GALK2: variants seen among roughly 807,000 people sequenced by gnomAD.
The protein encoded by GALK2 is N-acetylgalactosamine kinase.
A neutral mutation model predicts 52.4 loss-of-function variants in GALK2; 36 were observed. That is an observed-to-expected ratio of 0.69 (90% CI 0.53 to 0.91). GALK2 has a LOEUF of 0.91. Among genes scored for constraint, GALK2 ranks in the 40% least tolerant of loss-of-function variants. The pLI, the probability that GALK2 is intolerant of heterozygous loss-of-function variation, is 0.00. For missense variants in GALK2, 579 were observed against 559.1 expected, an observed-to-expected ratio of 1.04 and a Z score of -0.36; for synonymous variants, 176 against 199.1, an observed-to-expected ratio of 0.88 and a Z score of 0.98.
intron 8 of GALK2, among the ~76,000 whole-genome samples, chr15:49,300,475 A>G (rs951875767): frequency 2.6e-5 from 4 of 152,028 alleles, no homozygotes; most frequent in Admixed American, 1.3e-4. Context: ...TGATCTTGTC[A>G]TTGCTTTGTT....
intron 1 of GALK2, among the ~76,000 whole-genome samples, chr15:49,196,633 A>G (rs2087256766): frequency 6.6e-6 from 1 of 152,192 alleles, no homozygotes; most frequent in Non-Finnish European, 1.5e-5. Context: ...AATTTACTTT[A>G]TCAAGTTTAT....
intron 3 of GALK2, among the ~76,000 whole-genome samples, chr15:49,347,270 T>C (rs771960404): frequency 1.3e-5 from 2 of 152,106 alleles, no homozygotes; most frequent in Non-Finnish European, 2.9e-5. Context: ...GTTTTGCCCT[T>C]AAGAAATTAG....
chr15:49,299,735 T>TTTCTTTCTTTCTTTCTTTCCTTTC lies in GALK2; in HGVS notation c.967+7200_967+7201insCTTTCTTTCTTTCTTTCCTTTCTT, dbSNP rs1347140534. Among the ~76,000 whole-genome samples, 109 of 77,570 alleles carry TTTCTTTCTTTCTTTCTTTCCTTTC rather than the reference T, an allele frequency of 1.4e-3. 5 individuals are homozygous for TTTCTTTCTTTCTTTCTTTCCTTTC. The highest frequency in any genetic ancestry group is 5.9e-3 in the African/African-American group (107 of 18,052). The allele number at this position is 77,570 out of a possible 152,430, so 50.9% of individuals were successfully genotyped here. On this transcript the variant is annotated intron_variant, in intron 8 of 9. Coordinates refer to ENST00000560031, the MANE Select transcript of GALK2 (RefSeq NM_002044.4). ...CTTTCTTTCTTTCTTTCTTTCTTTC[T>TTTCTTTCTTTCTTTCTTTCCTTTC]TTTCTTTCTTTCTTTCTTTCTTTCT...
intron 5 of GALK2, among the ~76,000 whole-genome samples, chr15:49,258,844 GA>G (rs2091946638): frequency 6.6e-6 from 1 of 150,986 alleles, no homozygotes; most frequent in Non-Finnish European, 1.5e-5. Context: ...GAGAGAGAGA[GA>G]GAGAGAGAGA....
At chr15:49,351,200 A>T (rs747352471) in intron 3 of GALK2, among the ~76,000 whole-genome samples, 27 of 152,232 alleles carry the variant, frequency 1.8e-4, no homozygotes, top group Non-Finnish European at 3.1e-4. Context: ...GTGTGTGATT[A>T]TACACTGTGC....
At chr15:49,266,848 GA>G (rs1214797774) in intron 5 of GALK2, among the ~76,000 whole-genome samples, 1 of 152,144 alleles carries the variant, frequency 6.6e-6, no homozygotes, top group Non-Finnish European at 1.5e-5. Context: ...TAAGAAGGAG[GA>G]AAAAGAGTTC....
At chr15:49,322,985 A>G (rs2037026799) in intron 9 of GALK2, among the ~76,000 whole-genome samples, 1 of 151,724 alleles carries the variant, frequency 6.6e-6, no homozygotes, top group Non-Finnish European at 1.5e-5. Context: ...AAGAAAAAAA[A>G]AAAAAGATGT....
chr15:49,301,484 GA>G lies in GALK2; in HGVS notation c.967+8951del, dbSNP rs112502757. ...TGTTTCCCATGGTGTGACCCAAGAA[GA>G]AAATTTGAAGCTGTGGTCAGGGTAA... On this transcript the variant is annotated intron_variant, in intron 8 of 9. Coordinates refer to ENST00000560031, the MANE Select transcript of GALK2 (RefSeq NM_002044.4). Among the ~76,000 whole-genome samples, 739 of 152,222 alleles carry G rather than the reference GA, an allele frequency of 4.9e-3. 7 individuals are homozygous for G. Among genetic ancestry groups the G allele is most frequent in the African/African-American group, 0.017 (705 of 41,536 alleles).
intron 2 of GALK2, among the ~76,000 whole-genome samples, chr15:49,205,349 G>A (rs912506584): frequency 6.6e-6 from 1 of 152,178 alleles, no homozygotes; most frequent in African/African-American, 2.4e-5. Flanking sequence ...CCCAACAGCA[G>A]TGTAGAAGTG....
intron 1 of GALK2, among the ~76,000 whole-genome samples, chr15:49,158,673 A>G (rs954491896): frequency 6.6e-6 from 1 of 152,230 alleles, no homozygotes; most frequent in Non-Finnish European, 1.5e-5. Context: ...AAAATAAAGA[A>G]AAAAATGAAA....
rs951248135 is a variant in GALK2 at position 49,183,941 on chromosome 15, C to T, written c.53+13566C>T. On this transcript the variant is annotated intron_variant, in intron 1 of 9. Transcript: ENST00000560031. ...CTGAGGAGAGGAATGTGTATTCTGC[C>T]ACCGTTGGATGAAATGTTCTGTAAA... Among the ~76,000 whole-genome samples, 6 of 151,872 alleles carry T rather than the reference C, an allele frequency of 4.0e-5. No homozygotes were observed. The East Asian group carries it at 7.7e-4, about 19-fold the overall frequency.
At chr15:49,164,867 T>G (rs1355210393) in intron 1 of GALK2, among the ~76,000 whole-genome samples, 1 of 151,018 alleles carries the variant, frequency 6.6e-6, no homozygotes, top group African/African-American at 2.4e-5. Flanking sequence ...TGTAGTTTGG[T>G]CAGGCTAATG....
chr15:49,228,688 T>TATATATACATATA, intron 3 of GALK2, among the ~76,000 whole-genome samples: 4 of 10,444 alleles, frequency 3.8e-4, no homozygotes, highest in African/African-American at 1.0e-3. Flanking sequence ...TATATATATA[T>TATATATACATATA]TTTTTTTTTT....
intron 3 of GALK2, chr15:49,225,162 G>C (rs116998841): frequency 2.2e-6 from 1 of 454,548 alleles, no homozygotes; most frequent in African/African-American, 2.0e-5. Flanking sequence ...TGAGGAAGCC[G>C]CCTCTGATCA....
At chr15:49,225,138 C>G in intron 3 of GALK2, 1 of 449,622 alleles carries the variant, frequency 2.2e-6, no homozygotes, top group Non-Finnish European at 4.5e-6. Flanking sequence ...CTCAGCAGGT[C>G]TGTTCCTGAG....
intron 1 of GALK2, among the ~76,000 whole-genome samples, 155 bp from the exon 2 acceptor site, chr15:49,201,007 T>C (rs535896682): frequency 1.3e-5 from 2 of 152,122 alleles, no homozygotes; most frequent in South Asian, 4.2e-4. Context: ...CTAGGAAATT[T>C]TGCTTTTATT....
At chr15:49,198,243 C>T (rs547726246) in intron 1 of GALK2, among the ~76,000 whole-genome samples, 58 of 152,194 alleles carry the variant, frequency 3.8e-4, no homozygotes, top group African/African-American at 1.4e-3. Context: ...GGCGCGGCCT[C>T]TGCTCACTGC....
intron 2 of GALK2, among the ~76,000 whole-genome samples, chr15:49,208,413 A>G (rs1419504173): frequency 2.0e-5 from 3 of 152,192 alleles, no homozygotes; most frequent in African/African-American, 2.4e-5. Flanking sequence ...TTTTGACTCA[A>G]TGCTCATTTA....
At chr15:49,365,332 TGTAA>T in intron 3 of GALK2, 1 of 1,569,418 alleles carries the variant, frequency 6.4e-7, no homozygotes. Flanking sequence ...GAACAACAAA[TGTAA>T]GTATCATGCC....
Sources: gnomAD v4.1 joint callset for allele counts (sites outside exome capture counted in the v4.1 genomes callset) on GRCh38, gnomAD v4.1.1 for gene constraint, MANE v1.5 for transcripts, NCBI Gene and HGNC (gene_info 2026-07-23, HGNC 2026-07-21) for gene names.